The following PCGF6 variants were observed in gnomAD, a reference collection of about 807,000 sequenced individuals.
The protein encoded by PCGF6 is polycomb group RING finger protein 6.
PCGF6 carries 24 observed loss-of-function variants against 45.5 expected under a neutral mutation model. That is an observed-to-expected ratio of 0.53 (90% CI 0.38 to 0.74). The LOEUF is 0.74. Ranked by LOEUF, PCGF6 falls within the 30% of genes least tolerant of loss-of-function variation. The probability of loss-of-function intolerance (pLI) is 0.00; values close to 1 mark genes in which losing one functional copy is unlikely to be tolerated. For synonymous variants in PCGF6, 152 were observed against 162.1 expected (o/e 0.94, Z 0.47); for missense variants, 356 against 443.2 (o/e 0.80, Z 1.77).
intron 7 of PCGF6, among the ~76,000 whole-genome samples, chr10:103,330,584 A>C (rs1334989602): frequency 6.6e-6 from 1 of 152,162 alleles, no homozygotes; most frequent in Admixed American, 6.6e-5. Context: ...ATATCTACAA[A>C]ATTTTGCAAC....
At chr10:103,306,970 G>A (rs182940261) in intron 9 of PCGF6, among the ~76,000 whole-genome samples, 1 of 152,082 alleles carries the variant, frequency 6.6e-6, no homozygotes, top group Non-Finnish European at 1.5e-5. Flanking sequence ...CAGGTGTGGT[G>A]GCACATGTCT....
chr10:103,330,699 G>A (rs1273097537), intron 7 of PCGF6, among the ~76,000 whole-genome samples: 1 of 152,176 alleles, frequency 6.6e-6, no homozygotes, highest in Non-Finnish European at 1.5e-5. Flanking sequence ...AGGCCAAGGC[G>A]GGTGGATCAC....
At chr10:103,348,621 TC>T in intron 3 of PCGF6, 94 bp downstream of exon 3, 1 of 963,734 alleles carries the variant, frequency 1.0e-6, no homozygotes, top group Non-Finnish European at 1.5e-6. Context: ...ACTGAACCCA[TC>T]CTGAGAGGTC....
Position 103,341,004 on chromosome 10 carries a change from C to T in PCGF6, c.782+4020G>A, listed in dbSNP as rs183493840. Among the ~76,000 whole-genome samples, 4 of 152,094 alleles carry T rather than the reference C, an allele frequency of 2.6e-5. No individual in the cohort carries two copies. In the East Asian group the frequency reaches 5.9e-4, roughly 22 times the overall value. On this transcript the variant is annotated intron_variant, in intron 6 of 9. Transcript: ENST00000369847. ...CAACACTTTGGGGGTCCAAGGTGGG[C>T]GGATCACCTGAGGTCGGGAGATTGA...
At chr10:103,312,835 C>T (rs1325158809) in intron 9 of PCGF6, among the ~76,000 whole-genome samples, 1 of 152,104 alleles carries the variant, frequency 6.6e-6, no homozygotes, top group African/African-American at 2.4e-5. Context: ...GTGGCGCATG[C>T]CTGTAAACCC....
chr10:103,348,729 G>A lies in PCGF6; in HGVS notation c.544C>T (p.Leu182Phe), dbSNP rs2093308882. 3 of 1,574,962 alleles carry A rather than the reference G, an allele frequency of 1.9e-6. No individual in the cohort carries two copies. The highest frequency in any genetic ancestry group is 8.7e-7 in the Non-Finnish European group (1 of 1,151,674). Residue 182 changes from leucine (L) to phenylalanine (F), a missense_variant, in exon 3 of 10, where the codon CTT becomes TTT. By Grantham distance (22) the Leu-to-Phe change is conservative (BLOSUM62 0). Coordinates refer to ENST00000369847, the MANE Select transcript of PCGF6 (RefSeq NM_001011663.2). ...CNIVVHQTQP[L>F]YNIRLDRQLQ... is the part of the protein sequence containing the mutation. Reference sequence around the variant, plus strand: ...TATTCTTCTTACCTTATGTTATAAAGAGGTTGTGTCTGATGTACTACTATA... The same window carrying A: ...TATTCTTCTTACCTTATGTTATAAAAAGGTTGTGTCTGATGTACTACTATA...
chr10:103,330,271 TC>T (rs767912001), intron 7 of PCGF6, among the ~76,000 whole-genome samples: 1 of 151,746 alleles, frequency 6.6e-6, no homozygotes, highest in Non-Finnish European at 1.5e-5. Flanking sequence ...AGACAGGGTT[TC>T]CCCATGTTGC....
At chr10:103,329,499 T>C (rs930925788) in intron 7 of PCGF6, among the ~76,000 whole-genome samples, 1 of 152,062 alleles carries the variant, frequency 6.6e-6, no homozygotes, top group African/African-American at 2.4e-5. Context: ...GTTTTTGAGA[T>C]GGAGTTTTGC....
intron 8 of PCGF6, among the ~76,000 whole-genome samples, chr10:103,321,726 A>G (rs2093198264): frequency 6.6e-6 from 1 of 151,496 alleles, no homozygotes; most frequent in Non-Finnish European, 1.5e-5. Context: ...AGAAACAAAC[A>G]ATAATAATAA....
chr10:103,316,902 G>C (rs2093177983), intron 8 of PCGF6, among the ~76,000 whole-genome samples: 2 of 152,184 alleles, frequency 1.3e-5, no homozygotes, highest in Non-Finnish European at 2.9e-5. Flanking sequence ...CCTGTTTTTA[G>C]AGTGGTATTT....
intron 7 of PCGF6, among the ~76,000 whole-genome samples, chr10:103,329,923 C>T (rs931781953): frequency 1.3e-5 from 2 of 151,788 alleles, no homozygotes; most frequent in Admixed American, 6.6e-5. Context: ...GGACTACAGG[C>T]GCCTGCCACC....
intron 7 of PCGF6, among the ~76,000 whole-genome samples, chr10:103,328,926 T>C (rs1474890484): frequency 1.3e-5 from 2 of 151,638 alleles, no homozygotes; most frequent in African/African-American, 4.9e-5. Flanking sequence ...TTTGTATTTT[T>C]AGTAGAGACA....
chr10:103,330,158 T>C (rs952688784), intron 7 of PCGF6, among the ~76,000 whole-genome samples: 4 of 152,006 alleles, frequency 2.6e-5, no homozygotes, highest in Non-Finnish European at 5.9e-5. Flanking sequence ...CACTGCAGCC[T>C]CTGCCTCCCG....
At chr10:103,327,142 G>A (rs1277930408) in intron 7 of PCGF6, among the ~76,000 whole-genome samples, 4 of 152,032 alleles carry the variant, frequency 2.6e-5, no homozygotes, top group Admixed American at 2.6e-4. Context: ...CAAATTAGCT[G>A]GGCAAGGTGG....
rs766826631 is a variant in PCGF6 at position 103,328,318 on chromosome 10, GT to G, written c.811-1687del. On this transcript the variant is annotated intron_variant, in intron 7 of 9. Transcript: ENST00000369847. ...AGCTTTCCTATCTGTACAGTAGTTT[GT>G]TCTTGAGAACTTTCCCAACTAAAAC... is the stretch of plus-strand genomic sequence containing the variant. Among the ~76,000 whole-genome samples, 5 of 152,272 alleles carry G rather than the reference GT, an allele frequency of 3.3e-5. 1 individual carries two copies. In the East Asian group the frequency reaches 9.6e-4, roughly 29 times the overall value.
chr10:103,331,179 A>G lies in PCGF6; in HGVS notation c.810+2746T>C, dbSNP rs572581770. On this transcript the variant is annotated intron_variant, in intron 7 of 9. Coordinates refer to ENST00000369847, the MANE Select transcript of PCGF6 (RefSeq NM_001011663.2). The stretch of plus-strand genomic sequence containing the variant: ...CTTCATTCCTTTTTACTGTCAAATA[A>G]TACTCTATTATATGAAAATACATTT... Among the ~76,000 whole-genome samples, 5 of 152,306 alleles carry G rather than the reference A, an allele frequency of 3.3e-5. No individual in the cohort carries two copies. In the East Asian group the frequency reaches 9.6e-4, roughly 29 times the overall value.
In PCGF6 at chr10:103,316,023, G is replaced by T. The variant is rs1267312680; in HGVS notation, c.910-1751C>A. On this transcript the variant is annotated intron_variant, in intron 8 of 9. Transcript: ENST00000369847. ...ATATATATATATATATAGAGAGAGA[G>T]AGAGAGAGAGAGAGAGAGAGATATC... 1.5e-3 allele frequency among the ~76,000 whole-genome samples: 226 copies of T among 150,354 alleles called. 1 individual carries two copies. The highest frequency in any genetic ancestry group is 5.1e-3 in the African/African-American group (211 of 40,996).
intron 6 of PCGF6, among the ~76,000 whole-genome samples, chr10:103,339,801 C>CAAAAA (rs200037917): frequency 2.6e-4 from 7 of 26,942 alleles, no homozygotes; most frequent in African/African-American, 8.3e-4. Flanking sequence ...CTGTCTGTCT[C>CAAAAA]AAAAAAAAAA....
chr10:103,351,009 C>G lies in PCGF6; in HGVS notation c.58G>C (p.Ala20Pro), dbSNP rs755427741. The G allele has an allele frequency of 7.0e-7, 1 of 1,427,316 alleles. No individual in the cohort carries two copies. Among genetic ancestry groups the G allele is most frequent in the Non-Finnish European group, 9.2e-7 (1 of 1,091,890 alleles). The allele number at this position is 1,427,316 out of a possible 1,614,324, so 88.4% of individuals were successfully genotyped here. A position where few individuals can be genotyped will look rare whatever the true frequency, so the allele number is the denominator to read the frequency against. ...GSVGAAKTEG[A>P]AALPPPPPVS... ...GGAGGCGGAGGCGGCAAGGCTGCAG[C>G]TCCCTCGGTTTTGGCAGCGCCTACG... Residue 20 changes from alanine (A) to proline (P), a missense_variant, in exon 1 of 10, where the codon GCT (alanine) becomes CCT (proline). By Grantham distance (27) the Ala-to-Pro change is conservative (BLOSUM62 -1). Around this residue, in one of 2 missense-constraint regions of PCGF6, gnomAD observed 307 missense variants for 350.1 expected, o/e 0.88. Transcript: ENST00000369847.
Sources: allele counts gnomAD v4.1 joint callset (sites outside exome capture counted in the v4.1 genomes callset), GRCh38; gene constraint gnomAD v4.1.1; regional missense constraint gnomAD v4.1.1; transcripts MANE v1.5; gene names NCBI Gene and HGNC (gene_info 2026-07-23, HGNC 2026-07-21).